RBMS1: variants seen among roughly 807,000 people sequenced by gnomAD.
RBMS1 encodes the protein RNA-binding motif, single-stranded-interacting protein 1.
A neutral mutation model predicts 62.3 loss-of-function variants in RBMS1; 17 were observed. The ratio of observed to expected loss-of-function variants is 0.27; its 90% CI spans 0.19 to 0.41. The LOEUF (loss-of-function observed/expected upper bound fraction) is 0.41. Ranked by LOEUF, RBMS1 falls within the 10% of genes least tolerant of loss-of-function variation. RBMS1 has a pLI of 1.00. For synonymous variants in RBMS1, 172 were observed against 170.0 expected, an observed-to-expected ratio of 1.01 and a Z score of -0.09; for missense variants, 334 against 504.5, an observed-to-expected ratio of 0.66 and a Z score of 3.24.
At chr2:160,397,356 T>C (rs1169572046) in intron 1 of RBMS1, among the ~76,000 whole-genome samples, 1 of 152,136 alleles carries the variant, frequency 6.6e-6, no homozygotes, top group Admixed American at 6.5e-5. Context: ...TCACTGGCCT[T>C]CCTGCCTTCT....
At chr2:160,329,750 G>C (rs1691153309) in intron 2 of RBMS1, among the ~76,000 whole-genome samples, 1 of 151,716 alleles carries the variant, frequency 6.6e-6, no homozygotes, top group Admixed American at 6.6e-5. Context: ...CAAGTGTAGG[G>C]TCTGGGTATG....
intron 1 of RBMS1, among the ~76,000 whole-genome samples, chr2:160,464,031 C>G (rs1302038641): frequency 6.6e-6 from 1 of 152,100 alleles, no homozygotes; most frequent in Non-Finnish European, 1.5e-5. Flanking sequence ...AATGCCAAAG[C>G]CTTTTAAAAG....
chr2:160,330,308 C>G (rs1691189895), intron 2 of RBMS1, among the ~76,000 whole-genome samples: 2 of 152,124 alleles, frequency 1.3e-5, no homozygotes, highest in Admixed American at 1.3e-4. Flanking sequence ...CGAAGGGAGG[C>G]ATCTGGGGAT....
intron 1 of RBMS1, among the ~76,000 whole-genome samples, chr2:160,369,522 CTAGA>C (rs1016600123): frequency 1.3e-5 from 2 of 152,240 alleles, no homozygotes; most frequent in Admixed American, 1.3e-4. Flanking sequence ...GCTATTAGAA[CTAGA>C]CAGGACTGAA....
chr2:160,363,602 GAA>G (rs1693246771), intron 2 of RBMS1, among the ~76,000 whole-genome samples: 2 of 152,088 alleles, frequency 1.3e-5, no homozygotes, highest in Non-Finnish European at 2.9e-5. Flanking sequence ...AAGGGCCAAA[GAA>G]GAATCCACAA....
Position 160,272,249 on chromosome 2 carries a change from G to GT in RBMS1, c.*2522dup, listed in dbSNP as rs1196463984. 1 of 152,104 alleles carries GT rather than the reference G, an allele frequency of 6.6e-6. No homozygotes were observed. Among genetic ancestry groups the GT allele is most frequent in the Non-Finnish European group, 1.5e-5 (1 of 68,024 alleles). The allele number at this position is 152,104 out of a possible 1,614,324, so 9.4% of individuals were successfully genotyped here. A position where few individuals can be genotyped will look rare whatever the true frequency, so the allele number is the denominator to read the frequency against. ...GTACAGTTCAAAAATGTCTTTTGGC[G>GT]TTTAACAACAAGTCCTAGGAAAGAA... On this transcript the variant is annotated 3_prime_UTR_variant, in exon 14 of 14. Coordinates refer to ENST00000348849, the MANE Select transcript of RBMS1 (RefSeq NM_016836.4).
chr2:160,311,236 A>ATATATATATATATC (rs1553505444), intron 4 of RBMS1, among the ~76,000 whole-genome samples: 14 of 60,712 alleles, frequency 2.3e-4, no homozygotes, highest in Non-Finnish European at 4.0e-4. Flanking sequence ...ATCTATCTAT[A>ATATATATATATATC]TATATATATA....
intron 1 of RBMS1, among the ~76,000 whole-genome samples, chr2:160,414,814 T>C (rs1216981607): frequency 3.4e-5 from 5 of 148,764 alleles, no homozygotes; most frequent in African/African-American, 1.2e-4. Flanking sequence ...ACCACTGCAC[T>C]CCAGCCTGGG....
intron 2 of RBMS1, among the ~76,000 whole-genome samples, chr2:160,319,432 A>T (rs1213541935): frequency 6.6e-6 from 1 of 152,178 alleles, no homozygotes; most frequent in Non-Finnish European, 1.5e-5. Context: ...GAATCGCATG[A>T]ACCGGGGAGG....
At chr2:160,417,457 ATCT>A (rs1696253468) in intron 1 of RBMS1, among the ~76,000 whole-genome samples, 1 of 152,196 alleles carries the variant, frequency 6.6e-6, no homozygotes, top group South Asian at 2.1e-4. Context: ...GTCAGAATAA[ATCT>A]TCTCACTTTA....
At chr2:160,361,058 A>C (rs963934700) in intron 2 of RBMS1, among the ~76,000 whole-genome samples, 1 of 152,256 alleles carries the variant, frequency 6.6e-6, no homozygotes, top group Admixed American at 6.5e-5. Context: ...TTAAAGTCAT[A>C]TGTTTTACTG....
At chr2:160,318,115 T>G in intron 3 of RBMS1, 54 bp downstream of exon 3, 3 of 1,566,064 alleles carry the variant, frequency 1.9e-6, no homozygotes, top group Non-Finnish European at 8.6e-7. Flanking sequence ...GGTTTTAAAT[T>G]CCATCATTTT....
chr2:160,345,997 C>T (rs1302871913), intron 2 of RBMS1, among the ~76,000 whole-genome samples: 1 of 152,078 alleles, frequency 6.6e-6, no homozygotes, highest in Non-Finnish European at 1.5e-5. Context: ...TTCCCAGAAC[C>T]CGGCATAGTA....
chr2:160,359,158 G>C (rs1692980707), intron 2 of RBMS1, among the ~76,000 whole-genome samples: 1 of 152,078 alleles, frequency 6.6e-6, no homozygotes, highest in Non-Finnish European at 1.5e-5. Flanking sequence ...AACACATAAA[G>C]GGTAAATTAT....
At chr2:160,356,162 C>T (rs1692788703) in intron 2 of RBMS1, among the ~76,000 whole-genome samples, 1 of 152,122 alleles carries the variant, frequency 6.6e-6, no homozygotes, top group Non-Finnish European at 1.5e-5. Context: ...GATACCTTCT[C>T]TATGCTGTGT....
In RBMS1 at chr2:160,310,686, G is replaced by C. The variant is rs560885681; in HGVS notation, c.402+2470C>G. ...TTAATAGAACGGACAGTGGGGGAAA[G>C]AAGTAAGTTGTTTTCCGAGTGTGCC... On this transcript the variant is annotated intron_variant, in intron 4 of 13. Coordinates refer to ENST00000348849, the MANE Select transcript of RBMS1 (RefSeq NM_016836.4). Among the ~76,000 whole-genome samples, 1,011 of 148,784 alleles carry C rather than the reference G, an allele frequency of 6.8e-3. 7 individuals are homozygous for C. Among genetic ancestry groups the C allele is most frequent in the Non-Finnish European group, 0.012 (823 of 67,174 alleles).
At chr2:160,458,847 A>G (rs1684352181) in intron 1 of RBMS1, among the ~76,000 whole-genome samples, 1 of 152,120 alleles carries the variant, frequency 6.6e-6, no homozygotes, top group African/African-American at 2.4e-5. Flanking sequence ...GAAGGCCAAT[A>G]ATGTAAACTA....
rs550365783 is a variant in RBMS1 at position 160,402,776 on chromosome 2, GC to G, written c.76-35386del. Among the ~76,000 whole-genome samples the G allele has an allele frequency of 3.3e-3, 509 of 152,202 alleles. 3 individuals are homozygous for G. Among genetic ancestry groups the G allele is most frequent in the African/African-American group, 0.012 (489 of 41,508 alleles). Reference sequence around the variant, plus strand: ...CAGGGACCTAGCTTTCACCATGTAGGCCACTTAAGATGTCACTGCCTCAAAA... The same window carrying G: ...CAGGGACCTAGCTTTCACCATGTAGGCACTTAAGATGTCACTGCCTCAAAA... On this transcript the variant is annotated intron_variant, in intron 1 of 13. Transcript: ENST00000348849.
chr2:160,331,494 T>A (rs62177272), intron 2 of RBMS1, among the ~76,000 whole-genome samples: 11,563 of 152,220 alleles, frequency 0.076, 622 homozygotes, highest in South Asian at 0.19. Context: ...TCATCCCCAT[T>A]AGGTGTGTGC....
Sources: allele counts gnomAD v4.1 joint callset (sites outside exome capture counted in the v4.1 genomes callset), GRCh38; gene constraint gnomAD v4.1.1; transcripts MANE v1.5; gene names NCBI Gene and HGNC (gene_info 2026-07-23, HGNC 2026-07-21).